SIN3A: variants seen among roughly 807,000 people sequenced by gnomAD.
SIN3A encodes the protein paired amphipathic helix protein Sin3a.
Under a neutral mutation model 146.1 loss-of-function variants are expected in SIN3A, and 14 were observed. The ratio of observed to expected loss-of-function variants is 0.10; its 90% CI spans 0.06 to 0.15. The LOEUF is 0.15. Ranked by LOEUF, SIN3A falls within the 10% of genes least tolerant of loss-of-function variation. The pLI is 1.00. For synonymous variants in SIN3A, 572 were observed against 572.0 expected (o/e 1.00, Z 0.00); for missense variants, 1,028 against 1,576.0 (o/e 0.65, Z 5.89).
intron 1 of SIN3A, among the ~76,000 whole-genome samples, chr15:75,434,711 C>T (rs1341213504): frequency 6.6e-6 from 1 of 151,102 alleles, no homozygotes; most frequent in African/African-American, 2.4e-5. Flanking sequence ...CACTTTGGTT[C>T]GCCGAGGCGA....
At chr15:75,377,958 C>T (rs781014150) in intron 19 of SIN3A, among the ~76,000 whole-genome samples, 1 of 152,192 alleles carries the variant, frequency 6.6e-6, no homozygotes, top group Non-Finnish European at 1.5e-5. Context: ...CTGGAATTTT[C>T]AAGCAAAACT....
At chr15:75,448,641 A>AC (rs1378843838) in intron 1 of SIN3A, among the ~76,000 whole-genome samples, 1 of 152,210 alleles carries the variant, frequency 6.6e-6, no homozygotes, top group African/African-American at 2.4e-5. Flanking sequence ...ACAGAAAGTA[A>AC]AGCTTAACAA....
intron 9 of SIN3A, among the ~76,000 whole-genome samples, chr15:75,406,453 C>T (rs2073517017): frequency 6.6e-6 from 1 of 152,130 alleles, no homozygotes; most frequent in Admixed American, 6.5e-5. Context: ...TTTGGGAGGC[C>T]GAGGCGGGCG....
At position 75,394,783 on chromosome 15, in the gene SIN3A, T is replaced by C; in HGVS notation, c.2174A>G (p.Tyr725Cys). Residue 725 changes from tyrosine to cysteine, a missense_variant, in exon 14 of 21, where the codon TAC (tyrosine) becomes TGC (cysteine). Around this residue, in one of 9 missense-constraint regions of SIN3A, gnomAD observed 488 missense variants for 690.2 expected, o/e 0.71. Coordinates refer to ENST00000394947, the MANE Select transcript of SIN3A (RefSeq NM_001145358.2). ...CCCCTGGTGGTCCAGAGACTTCAAG[T>C]AGTATTTCTCATTTTGTTCTCGCCA... ...KVWREQNEKYYLKSLDHQGIN... is the reference protein window; with the variant it reads ...KVWREQNEKYCLKSLDHQGIN... The C allele has an allele frequency of 6.2e-7, 1 of 1,614,094 alleles. No homozygotes were observed. Among genetic ancestry groups the C allele is most frequent in the Non-Finnish European group, 8.5e-7 (1 of 1,179,928 alleles).
At position 75,381,782 on chromosome 15, in the gene SIN3A, G is replaced by A. The variant is rs2072976883; in HGVS notation, c.3196-77C>T. On this transcript the variant is annotated intron_variant, in intron 17 of 20. Coordinates refer to ENST00000394947, the MANE Select transcript of SIN3A (RefSeq NM_001145358.2). ...TCTATCTTCTCAAGGAATGAGAGGT[G>A]CAGAGGCAATAAACTTAGTAAACTT... 4 of 1,201,718 alleles carry A rather than the reference G, an allele frequency of 3.3e-6. No homozygotes were observed. In the African/African-American group the frequency reaches 4.6e-5, roughly 14 times the overall value. The allele number at this position is 1,201,718 out of a possible 1,614,324, so 74.4% of individuals were successfully genotyped here. A position where few individuals can be genotyped will look rare whatever the true frequency, so the allele number is the denominator to read the frequency against.
At chr15:75,381,779 G>T (rs906578559) in intron 17 of SIN3A, 74 bp from the exon 18 acceptor site, 2 of 1,223,174 alleles carry the variant, frequency 1.6e-6, no homozygotes, top group African/African-American at 1.5e-5. Context: ...AGGAATGAGA[G>T]GTGCAGAGGC....
At position 75,372,073 on chromosome 15, in the gene SIN3A, A is replaced by G; in HGVS notation, c.3728T>C (p.Val1243Ala). 6.2e-7 allele frequency: 1 copy of G among 1,614,152 alleles called. No homozygotes were observed. The highest frequency in any genetic ancestry group is 8.5e-7 in the Non-Finnish European group (1 of 1,180,018). ...WLMGEGLEGL[V>A]PCTTTCDTET... ...TGTATCACAGGTGGTGGTACAGGGC[A>G]CCAGGCCCTCCAGCCCCTCACCCAT... is the stretch of plus-strand genomic sequence containing the variant. Residue 1243 changes from valine to alanine, a missense_variant, in exon 21 of 21, where the codon GTG becomes GCG. Physicochemically the swap from Val to Ala is moderately conservative, Grantham distance 64. Around this residue, in one of 9 missense-constraint regions of SIN3A, gnomAD observed 488 missense variants for 690.2 expected, o/e 0.71. Coordinates refer to ENST00000394947, the MANE Select transcript of SIN3A (RefSeq NM_001145358.2).
chr15:75,423,341 A>G (rs1027925208), intron 2 of SIN3A, among the ~76,000 whole-genome samples: 11 of 152,214 alleles, frequency 7.2e-5, no homozygotes, highest in Admixed American at 7.2e-4. Context: ...CTGGTTAAAT[A>G]AATTACAGCC....
intron 2 of SIN3A, among the ~76,000 whole-genome samples, chr15:75,424,039 T>A (rs991853153): frequency 6.6e-6 from 1 of 152,092 alleles, no homozygotes; most frequent in Admixed American, 6.5e-5. Flanking sequence ...AAACTGTCTG[T>A]GGTAAAGGAT....
At chr15:75,430,924 C>T (rs1216309784) in intron 1 of SIN3A, among the ~76,000 whole-genome samples, 3 of 152,038 alleles carry the variant, frequency 2.0e-5, no homozygotes, top group African/African-American at 4.8e-5. Flanking sequence ...TACAGGCACC[C>T]GCCACCACAC....
intron 5 of SIN3A, 33 bp from the exon 6 acceptor site, chr15:75,411,776 A>T (rs1289047709): frequency 4.6e-6 from 7 of 1,535,214 alleles, no homozygotes; most frequent in Non-Finnish European, 6.1e-6. Context: ...TTCTCTTCAG[A>T]TGCATAGATG....
intron 1 of SIN3A, among the ~76,000 whole-genome samples, chr15:75,430,779 T>G (rs1006460102): frequency 1.6e-4 from 25 of 151,686 alleles, no homozygotes; most frequent in East Asian, 3.9e-4. Context: ...TTCAAGTGCT[T>G]CTTCTTTTTT....
chr15:75,429,659 C>T (rs1376174924), intron 2 of SIN3A, among the ~76,000 whole-genome samples: 1 of 152,132 alleles, frequency 6.6e-6, no homozygotes, highest in African/African-American at 2.4e-5. Flanking sequence ...AAGACAATAT[C>T]ACAATGTTCA....
intron 1 of SIN3A, among the ~76,000 whole-genome samples, chr15:75,441,573 CT>C (rs1158078141): frequency 1.3e-5 from 2 of 152,146 alleles, no homozygotes; most frequent in African/African-American, 4.8e-5. Context: ...GTGTATACCA[CT>C]ACACTTGGCT....
chr15:75,403,601 C>T (rs890265563), intron 9 of SIN3A, among the ~76,000 whole-genome samples: 2 of 150,066 alleles, frequency 1.3e-5, no homozygotes, highest in Non-Finnish European at 3.0e-5. Context: ...AGTGCAATGG[C>T]GCGATCTCAG....
chr15:75,429,701 A>G (rs1007362478), intron 2 of SIN3A, among the ~76,000 whole-genome samples: 3 of 152,238 alleles, frequency 2.0e-5, no homozygotes, highest in Admixed American at 6.5e-5. Context: ...AAAAACCTGG[A>G]AACAGCCCAA....
At chr15:75,373,048 G>A (rs1322542757) in intron 20 of SIN3A, among the ~76,000 whole-genome samples, 2 of 152,150 alleles carry the variant, frequency 1.3e-5, no homozygotes, top group Non-Finnish European at 2.9e-5. Context: ...CTGGGAAGCA[G>A]AGTCCAGGCT....
chr15:75,406,030 G>A (rs2073505977), intron 9 of SIN3A, among the ~76,000 whole-genome samples: 1 of 152,128 alleles, frequency 6.6e-6, no homozygotes, highest in South Asian at 2.1e-4. Flanking sequence ...CAGACAGAAA[G>A]GGATCAGGAG....
At chr15:75,418,424 C>A (rs2073781426) in intron 3 of SIN3A, among the ~76,000 whole-genome samples, 2 of 152,056 alleles carry the variant, frequency 1.3e-5, no homozygotes, top group South Asian at 4.1e-4. Flanking sequence ...CTCCTGAGTT[C>A]AAGCGATTCT....
Sources: gnomAD v4.1 joint callset for allele counts (sites outside exome capture counted in the v4.1 genomes callset) on GRCh38, gnomAD v4.1.1 for gene constraint, gnomAD v4.1.1 regional missense constraint, MANE v1.5 for transcripts, NCBI Gene and HGNC (gene_info 2026-07-23, HGNC 2026-07-21) for gene names.